Variants in MDFIC2 observed in about 807,000 individuals in gnomAD.
The protein encoded by MDFIC2 is myoD family inhibitor domain-containing protein 2.
At chr3:70,274,071 G>GTT (rs1701998691) in intron 2 of MDFIC2, among the ~76,000 whole-genome samples, 1 of 148,648 alleles carries the variant, frequency 6.7e-6, no homozygotes, top group Admixed American at 6.8e-5. Context: ...GTGTGTGTGT[G>GTT]TGTGTGTGTG....
chr3:70,251,989 G>A (rs1319678626), intron 2 of MDFIC2, among the ~76,000 whole-genome samples: 1 of 152,146 alleles, frequency 6.6e-6, no homozygotes, highest in African/African-American at 2.4e-5. Flanking sequence ...CACGTGTTAA[G>A]GAACTAAAAT....
At position 70,196,384 on chromosome 3, in the gene MDFIC2, C is replaced by T. The variant is rs1701180576; in HGVS notation, c.*542G>A. On this transcript the variant is annotated 3_prime_UTR_variant, in exon 4 of 4. Transcript: ENST00000567252. ...TTTCTAATTCATTTAATTCCCTTTC[C>T]TACCTAAACTGTACATATAAGTGAA... 6.6e-6 allele frequency among the ~76,000 whole-genome samples: 1 copy of T among 152,054 alleles called. No homozygotes were observed. The highest frequency in any genetic ancestry group is 1.5e-5 in the Non-Finnish European group (1 of 68,000).
chr3:70,255,313 TAGTC>T (rs1201476198), intron 2 of MDFIC2, among the ~76,000 whole-genome samples: 1 of 152,246 alleles, frequency 6.6e-6, no homozygotes, highest in Non-Finnish European at 1.5e-5. Flanking sequence ...TGTGATTTTA[TAGTC>T]AGTAAAAGTG....
At chr3:70,244,337 A>G (rs1701686595) in intron 2 of MDFIC2, among the ~76,000 whole-genome samples, 1 of 152,156 alleles carries the variant, frequency 6.6e-6, no homozygotes, top group African/African-American at 2.4e-5. Context: ...ACATTTTCTC[A>G]ATGCCTCTTT....
At chr3:70,232,700 A>G (rs1701571979) in intron 2 of MDFIC2, among the ~76,000 whole-genome samples, 2 of 152,106 alleles carry the variant, frequency 1.3e-5, no homozygotes, top group South Asian at 4.2e-4. Flanking sequence ...ACCCCTCAAC[A>G]AGAGAGGTAA....
rs116595272 is a variant in MDFIC2 at position 70,220,926 on chromosome 3, G to A, written c.89-14136C>T. 6.5e-3 allele frequency among the ~76,000 whole-genome samples: 982 copies of A among 152,230 alleles called. 7 individuals carry two copies. The highest frequency in any genetic ancestry group is 0.023 in the African/African-American group (935 of 41,538). On this transcript the variant is annotated intron_variant, in intron 2 of 3. Coordinates refer to ENST00000567252, the MANE Select transcript of MDFIC2 (RefSeq NM_001364677.1). ...ATTCCTGAGCTTAGCACAGGGCTTG[G>A]CGTAAAGGGTGAATGAATGTAGTAG...
At chr3:70,211,483 TTTCCC>T (rs756119007) in intron 2 of MDFIC2, among the ~76,000 whole-genome samples, 340 of 52,304 alleles carry the variant, frequency 6.5e-3, no homozygotes, top group East Asian at 0.014. Context: ...CTTCCCTTCC[TTTCCC>T]TTCCCTTCCC....
intron 2 of MDFIC2, among the ~76,000 whole-genome samples, chr3:70,255,021 ACAATAC>A (rs561819346): frequency 9.2e-4 from 140 of 152,318 alleles, no homozygotes; most frequent in African/African-American, 3.2e-3. Context: ...TAATTTTACA[ACAATAC>A]TTTTTGAAAT....
At chr3:70,197,550 A>C (rs575043295) in intron 3 of MDFIC2, among the ~76,000 whole-genome samples, 11 of 152,304 alleles carry the variant, frequency 7.2e-5, no homozygotes, top group African/African-American at 2.6e-4. Flanking sequence ...GGACTCCCCA[A>C]ATACAAGGGG....
In MDFIC2 at chr3:70,254,896, A is replaced by G. The variant is rs71298334; in HGVS notation, c.89-48106T>C. Among the ~76,000 whole-genome samples, 783 of 152,272 alleles carry G rather than the reference A, an allele frequency of 5.1e-3. 3 individuals carry two copies. Among genetic ancestry groups the G allele is most frequent in the Non-Finnish European group, 8.7e-3 (595 of 68,014 alleles). On this transcript the variant is annotated intron_variant, in intron 2 of 3. Transcript: ENST00000567252. ...GCATATTATATAAAATTGTCATTGT[A>G]TTTCCTTTTCCGACTGTAACATTCC...
At chr3:70,276,076 C>G (rs1702022902) in intron 2 of MDFIC2, among the ~76,000 whole-genome samples, 1 of 151,940 alleles carries the variant, frequency 6.6e-6, no homozygotes, top group African/African-American at 2.4e-5. Context: ...TAACAAAATA[C>G]AATTATAATT....
At chr3:70,303,118 A>T (rs1047756405) in intron 2 of MDFIC2, among the ~76,000 whole-genome samples, 1 of 152,240 alleles carries the variant, frequency 6.6e-6, no homozygotes, top group Non-Finnish European at 1.5e-5. Context: ...CTTCATCAAC[A>T]GCACATATCA....
intron 2 of MDFIC2, among the ~76,000 whole-genome samples, chr3:70,286,496 G>A (rs1328845023): frequency 1.3e-5 from 2 of 151,632 alleles, no homozygotes; most frequent in African/African-American, 4.9e-5. Context: ...GTAGTGTGAT[G>A]CCTCCAGCTT....
intron 1 of MDFIC2, among the ~76,000 whole-genome samples, chr3:70,312,272 GAAAC>G (rs1350702929): frequency 6.6e-6 from 1 of 152,280 alleles, no homozygotes. Context: ...GGATTTGTAA[GAAAC>G]AAACAAACAT....
chr3:70,239,993 A>G (rs970214866), intron 2 of MDFIC2, among the ~76,000 whole-genome samples: 2 of 152,088 alleles, frequency 1.3e-5, no homozygotes, highest in Admixed American at 6.6e-5. Flanking sequence ...GAAAATACCT[A>G]ATATTCTAAT....
At chr3:70,270,106 A>G (rs1701962322) in intron 2 of MDFIC2, among the ~76,000 whole-genome samples, 1 of 152,214 alleles carries the variant, frequency 6.6e-6, no homozygotes, top group African/African-American at 2.4e-5. Context: ...TAATGATGCC[A>G]TCCACAGCAT....
chr3:70,266,318 G>C (rs1701916677), intron 2 of MDFIC2, among the ~76,000 whole-genome samples: 2 of 152,032 alleles, frequency 1.3e-5, no homozygotes, highest in East Asian at 3.8e-4. Flanking sequence ...GCTCAACACT[G>C]TTTTGATTAA....
chr3:70,285,144 T>G (rs1280265361), intron 2 of MDFIC2, among the ~76,000 whole-genome samples: 10 of 151,594 alleles, frequency 6.6e-5, no homozygotes, highest in Non-Finnish European at 1.2e-4. Flanking sequence ...GCCATGCTGG[T>G]GCACTGCACC....
intron 2 of MDFIC2, among the ~76,000 whole-genome samples, chr3:70,310,370 A>T (rs953073766): frequency 1.3e-5 from 2 of 151,548 alleles, no homozygotes; most frequent in Non-Finnish European, 2.9e-5. Context: ...TTTATGTATT[A>T]TTATTATTTT....
Sources: allele counts gnomAD v4.1 joint callset (sites outside exome capture counted in the v4.1 genomes callset), GRCh38; gene constraint gnomAD v4.1.1; transcripts MANE v1.5; gene names NCBI Gene and HGNC (gene_info 2026-07-23, HGNC 2026-07-21).